Variants in NKAIN2 observed in about 807,000 individuals in gnomAD.
NKAIN2 encodes the protein sodium/potassium-transporting ATPase subunit beta-1-interacting protein 2.
A neutral mutation model predicts 32.6 loss-of-function variants in NKAIN2; 14 were observed. The ratio of observed to expected loss-of-function variants is 0.43; its 90% CI spans 0.28 to 0.67. The LOEUF (loss-of-function observed/expected upper bound fraction) is 0.67. NKAIN2 is among the 30% of genes least tolerant of loss of function. NKAIN2 has a pLI of 0.17. For synonymous variants in NKAIN2, 80 were observed against 87.2 expected, an observed-to-expected ratio of 0.92 and a Z score of 0.46; for missense variants, 198 against 258.3, an observed-to-expected ratio of 0.77 and a Z score of 1.60.
chr6:124,046,411 T>C (rs997102812), intron 1 of NKAIN2, among the ~76,000 whole-genome samples: 5 of 152,006 alleles, frequency 3.3e-5, no homozygotes, highest in African/African-American at 1.2e-4. Context: ...CCATTACCAA[T>C]TGGAGAATCA....
At chr6:123,937,106 G>C (rs1260997645) in intron 1 of NKAIN2, among the ~76,000 whole-genome samples, 1 of 152,006 alleles carries the variant, frequency 6.6e-6, no homozygotes, top group African/African-American at 2.4e-5. Flanking sequence ...ATGATTTGCT[G>C]TTCTGCTATT....
chr6:124,360,800 G>A (rs1320691642), intron 3 of NKAIN2, among the ~76,000 whole-genome samples: 4 of 152,176 alleles, frequency 2.6e-5, no homozygotes, highest in Admixed American at 6.5e-5. Context: ...GCATTTAGCA[G>A]TGTGTAACTT....
At chr6:124,819,207 T>A (rs1412273496) in intron 6 of NKAIN2, 12 of 561,594 alleles carry the variant, frequency 2.1e-5, no homozygotes, top group Non-Finnish European at 2.7e-5. Flanking sequence ...AATGTGAACT[T>A]CTCTTTGAAG....
chr6:124,791,752 G>A (rs1196621674), intron 5 of NKAIN2, among the ~76,000 whole-genome samples: 1 of 151,968 alleles, frequency 6.6e-6, no homozygotes, highest in Non-Finnish European at 1.5e-5. Flanking sequence ...CCCTTTATTA[G>A]GTATTGATAA....
intron 1 of NKAIN2, among the ~76,000 whole-genome samples, chr6:123,813,371 A>G (rs959323143): frequency 5.3e-5 from 8 of 152,192 alleles, no homozygotes; most frequent in Non-Finnish European, 1.0e-4. Flanking sequence ...TCTATAAGCT[A>G]GCGATCAGGT....
intron 4 of NKAIN2, among the ~76,000 whole-genome samples, chr6:124,735,728 A>G (rs537895396): frequency 5.3e-5 from 8 of 151,924 alleles, no homozygotes; most frequent in African/African-American, 1.9e-4. Context: ...GTGATCTGTG[A>G]TCAGTCATCT....
At chr6:124,074,190 G>A (rs922766512) in intron 1 of NKAIN2, among the ~76,000 whole-genome samples, 4 of 152,144 alleles carry the variant, frequency 2.6e-5, no homozygotes, top group African/African-American at 9.7e-5. Flanking sequence ...TTGCCCACCA[G>A]GAAAGCTCAA....
chr6:124,454,106 T>G (rs63296562), intron 3 of NKAIN2, among the ~76,000 whole-genome samples: 2,524 of 60,646 alleles, frequency 0.042, 67 homozygotes, highest in African/African-American at 0.076. Flanking sequence ...GTTTTTTTTT[T>G]GGGGGGGGGG....
At chr6:124,250,448 C>A (rs920287356) in intron 1 of NKAIN2, among the ~76,000 whole-genome samples, 3 of 151,938 alleles carry the variant, frequency 2.0e-5, no homozygotes, top group Non-Finnish European at 4.4e-5. Flanking sequence ...ATTTTTAAAA[C>A]ATCTAGAAAA....
chr6:124,557,107 A>G (rs1780503484), intron 3 of NKAIN2, among the ~76,000 whole-genome samples: 1 of 152,216 alleles, frequency 6.6e-6, no homozygotes, highest in South Asian at 2.1e-4. Context: ...CTATTATTGA[A>G]CACAAAGATG....
intron 1 of NKAIN2, among the ~76,000 whole-genome samples, chr6:123,920,443 A>C (rs1390906394): frequency 6.6e-6 from 1 of 152,092 alleles, no homozygotes; most frequent in Admixed American, 6.6e-5. Context: ...TTTCATTACT[A>C]TTTCATTTTC....
At chr6:123,986,908 G>A (rs887690491) in intron 1 of NKAIN2, among the ~76,000 whole-genome samples, 2 of 152,146 alleles carry the variant, frequency 1.3e-5, no homozygotes, top group Non-Finnish European at 2.9e-5. Flanking sequence ...TGTTTGAAGA[G>A]TGTTATGTGC....
At chr6:124,137,183 G>C (rs1786849004) in intron 1 of NKAIN2, among the ~76,000 whole-genome samples, 1 of 152,118 alleles carries the variant, frequency 6.6e-6, no homozygotes, top group East Asian at 1.9e-4. Context: ...AGTCAATGTA[G>C]ACAAATTAGT....
chr6:124,166,611 G>C (rs1458499768), intron 1 of NKAIN2, among the ~76,000 whole-genome samples: 2 of 151,524 alleles, frequency 1.3e-5, no homozygotes, highest in Non-Finnish European at 1.5e-5. Flanking sequence ...GTCCTGAATG[G>C]TAATGCCTAG....
At chr6:124,779,338 A>G (rs1178630688) in intron 4 of NKAIN2, among the ~76,000 whole-genome samples, 3 of 139,042 alleles carry the variant, frequency 2.2e-5, no homozygotes, top group African/African-American at 2.6e-5. Flanking sequence ...GAAGGAAGGA[A>G]GGAAGGAAGG....
intron 4 of NKAIN2, among the ~76,000 whole-genome samples, chr6:124,783,073 G>A (rs1779346402): frequency 6.6e-6 from 1 of 152,096 alleles, no homozygotes; most frequent in African/African-American, 2.4e-5. Context: ...TGGAATGGTT[G>A]AACTACTGCT....
intron 1 of NKAIN2, among the ~76,000 whole-genome samples, chr6:124,036,556 C>T (rs147134461): frequency 3.3e-5 from 5 of 152,156 alleles, no homozygotes; most frequent in South Asian, 2.1e-4. Flanking sequence ...CTAAATATAA[C>T]GGATACTTAT....
chr6:124,286,669 T>TGC (rs1795561575), intron 2 of NKAIN2, among the ~76,000 whole-genome samples: 1 of 120,788 alleles, frequency 8.3e-6, no homozygotes. Context: ...TGTGTGTGTG[T>TGC]GTGTGCGCGC....
At chr6:124,772,081 T>A (rs538830911) in intron 4 of NKAIN2, among the ~76,000 whole-genome samples, 1 of 152,316 alleles carries the variant, frequency 6.6e-6, no homozygotes, top group Non-Finnish European at 1.5e-5. Flanking sequence ...GAGAAAGATA[T>A]TTTTTAAAGA....
Sources: gnomAD v4.1 joint callset for allele counts (sites outside exome capture counted in the v4.1 genomes callset) on GRCh38, gnomAD v4.1.1 for gene constraint, MANE v1.5 for transcripts, NCBI Gene and HGNC (gene_info 2026-07-23, HGNC 2026-07-21) for gene names.